The following CSMD2 variants were observed in gnomAD, a reference collection of about 807,000 sequenced individuals.
CSMD2 encodes the protein CUB and sushi domain-containing protein 2.
CSMD2 carries 130 observed loss-of-function variants against 398.5 expected under a neutral mutation model. The ratio of observed to expected loss-of-function variants is 0.33; its 90% CI spans 0.28 to 0.38. The LOEUF (loss-of-function observed/expected upper bound fraction) is 0.38. CSMD2 is among the 10% of genes least tolerant of loss of function. The pLI is 1.00. For synonymous variants in CSMD2, 1,828 were observed against 1,908.5 expected (o/e 0.96, Z 1.10); for missense variants, 3,829 against 4,764.9 (o/e 0.80, Z 5.78).
intron 5 of CSMD2, among the ~76,000 whole-genome samples, chr1:33,894,294 T>C (rs1319549314): frequency 6.6e-6 from 1 of 152,148 alleles, no homozygotes; most frequent in African/African-American, 2.4e-5. Flanking sequence ...GCCAGTGTCC[T>C]TCCTGTAATA....
intron 3 of CSMD2, among the ~76,000 whole-genome samples, chr1:33,947,268 A>G (rs1388418978): frequency 6.6e-6 from 1 of 152,172 alleles, no homozygotes; most frequent in Admixed American, 6.5e-5. Context: ...AACCTCCCCC[A>G]GGGTGGGAGC....
At chr1:34,094,314 G>A (rs1226012032) in intron 1 of CSMD2, among the ~76,000 whole-genome samples, 1 of 151,994 alleles carries the variant, frequency 6.6e-6, no homozygotes, top group Non-Finnish European at 1.5e-5. Flanking sequence ...ATGCCAAAAT[G>A]TAACGACCAT....
At position 33,527,085 on chromosome 1, in the gene CSMD2, T is replaced by A; in HGVS notation, c.10234+111A>T. 6 of 975,016 alleles carry A rather than the reference T, an allele frequency of 6.2e-6. No individual in the cohort carries two copies. The South Asian group carries it at 7.8e-5, about 13-fold the overall frequency. 60.4% of individuals were successfully genotyped at this position (975,016 alleles called of 1,614,324 possible). A position where few individuals can be genotyped will look rare whatever the true frequency, so the allele number is the denominator to read the frequency against. On this transcript the variant is annotated intron_variant, in intron 65 of 70. Transcript: ENST00000373381. ...AGCCATCCAGATTTATAGATAGTTT[T>A]CATGCCCTTCCTCTAGGCACTCAGC... is the stretch of plus-strand genomic sequence containing the variant.
At chr1:34,058,382 A>AATG (rs200658116) in intron 2 of CSMD2, among the ~76,000 whole-genome samples, 2,655 of 152,056 alleles carry the variant, frequency 0.017, 73 homozygotes, top group African/African-American at 0.058. Flanking sequence ...AAGGGCTTGA[A>AATG]ATGATGATGA....
intron 2 of CSMD2, among the ~76,000 whole-genome samples, chr1:34,059,091 G>A (rs990636357): frequency 2.6e-5 from 4 of 152,190 alleles, no homozygotes; most frequent in Admixed American, 2.6e-4. Flanking sequence ...AAGTAAGTGA[G>A]CAATGACAAT....
At chr1:33,903,348 T>A (rs571983699) in intron 5 of CSMD2, among the ~76,000 whole-genome samples, 1 of 150,458 alleles carries the variant, frequency 6.6e-6, no homozygotes, top group African/African-American at 2.4e-5. Flanking sequence ...TTTTTTTTTT[T>A]AAAGACTGGC....
chr1:33,735,612 C>T (rs1269574647), intron 15 of CSMD2, among the ~76,000 whole-genome samples: 1 of 152,134 alleles, frequency 6.6e-6, no homozygotes, highest in Non-Finnish European at 1.5e-5. Flanking sequence ...GAAAATACTT[C>T]CTCTCTGGCC....
chr1:33,987,244 C>A (rs1362789009), intron 3 of CSMD2, among the ~76,000 whole-genome samples: 2 of 152,092 alleles, frequency 1.3e-5, no homozygotes, highest in Non-Finnish European at 2.9e-5. Context: ...AATGATACCC[C>A]CTATGCTATA....
At chr1:33,699,854 G>A (rs912849218) in intron 23 of CSMD2, among the ~76,000 whole-genome samples, 3 of 152,096 alleles carry the variant, frequency 2.0e-5, no homozygotes, top group South Asian at 2.1e-4. Context: ...CTCAGCCCTA[G>A]GCAACTGCCC....
At chr1:33,790,030 G>C (rs974281229) in intron 11 of CSMD2, among the ~76,000 whole-genome samples, 2 of 152,164 alleles carry the variant, frequency 1.3e-5, no homozygotes, top group African/African-American at 4.8e-5. Context: ...CAAAAGTTCT[G>C]CTATTCTAAG....
intron 49 of CSMD2, among the ~76,000 whole-genome samples, chr1:33,575,355 G>T (rs1659973021): frequency 6.6e-6 from 1 of 152,192 alleles, no homozygotes; most frequent in African/African-American, 2.4e-5. Context: ...TGGGAAGTAG[G>T]AGGTGGGTGG....
At chr1:33,828,519 T>C (rs6425843) in intron 6 of CSMD2, among the ~76,000 whole-genome samples, 4,811 of 152,220 alleles carry the variant, frequency 0.032, 266 homozygotes, top group African/African-American at 0.11. Context: ...TCTCTGGCTC[T>C]AGTGTTGCTA....
chr1:33,674,756 A>G (rs1274707812), intron 25 of CSMD2, among the ~76,000 whole-genome samples: 13 of 152,146 alleles, frequency 8.5e-5, no homozygotes, highest in Non-Finnish European at 1.8e-4. Context: ...ATAACAAACT[A>G]TCTCTCAGAC....
intron 15 of CSMD2, among the ~76,000 whole-genome samples, chr1:33,737,586 C>T (rs1177505990): frequency 6.6e-6 from 1 of 152,192 alleles, no homozygotes; most frequent in Non-Finnish European, 1.5e-5. Flanking sequence ...CAAGTTACTT[C>T]CCCAGGGTGG....
Position 33,935,752 on chromosome 1 carries a change from C to A in CSMD2, c.712+8G>T. 1.3e-6 allele frequency: 2 copies of A among 1,591,906 alleles called. No individual in the cohort carries two copies. Among genetic ancestry groups the A allele is most frequent in the South Asian group, 1.2e-5 (1 of 85,782 alleles). ...CCCACTCTGTCAGACCCCTTGCTGG[C>A]CACCTACCTCTGCAGGAAGGCAGGG... On this transcript the variant is annotated splice_region_variant and intron_variant, in intron 4 of 70. Transcript: ENST00000373381.
chr1:33,837,314 C>G (rs1264516277), intron 6 of CSMD2, among the ~76,000 whole-genome samples: 2 of 152,140 alleles, frequency 1.3e-5, no homozygotes, highest in African/African-American at 2.4e-5. Flanking sequence ...AAAAGAAGGT[C>G]AAAACAAGAA....
At position 33,564,874 on chromosome 1, in the gene CSMD2, T is replaced by A. The variant is rs1329169163; in HGVS notation, c.8380+2719A>T. Among the ~76,000 whole-genome samples the A allele has an allele frequency of 2.6e-5, 4 of 152,224 alleles. No individual in the cohort carries two copies. In the East Asian group the frequency reaches 7.7e-4, roughly 29 times the overall value. ...TAAGAAGGAAAACTTGCACTTTACA[T>A]AAAGGCTCACTTTAGGGAAATTTAA... On this transcript the variant is annotated intron_variant, in intron 53 of 70. Coordinates refer to ENST00000373381, the MANE Select transcript of CSMD2 (RefSeq NM_001281956.2).
Position 33,685,426 on chromosome 1 carries a change from C to T in CSMD2, c.4052+7504G>A, listed in dbSNP as rs926452906. Among the ~76,000 whole-genome samples the T allele has an allele frequency of 3.3e-5, 5 of 152,342 alleles. No individual in the cohort carries two copies. The South Asian group carries it at 6.2e-4, about 19-fold the overall frequency. On this transcript the variant is annotated intron_variant, in intron 25 of 70. Coordinates refer to ENST00000373381, the MANE Select transcript of CSMD2 (RefSeq NM_001281956.2). ...TGTTTCTTATTTATATTTATACCCC[C>T]GTGCCTGGCAGAATGCCCAGCACTG...
intron 5 of CSMD2, among the ~76,000 whole-genome samples, chr1:33,901,990 C>T (rs186399569): frequency 2.6e-5 from 4 of 151,762 alleles, no homozygotes; most frequent in African/African-American, 9.7e-5. Context: ...AACTCTTAAA[C>T]TTAAATCTAT....
Sources: allele counts gnomAD v4.1 joint callset (sites outside exome capture counted in the v4.1 genomes callset), GRCh38; gene constraint gnomAD v4.1.1; transcripts MANE v1.5; gene names NCBI Gene and HGNC (gene_info 2026-07-23, HGNC 2026-07-21).